The following YEATS2 variants were observed in gnomAD, a reference collection of about 807,000 sequenced individuals.
YEATS2 encodes the protein YEATS domain containing 2.
Under a neutral mutation model 163.2 loss-of-function variants are expected in YEATS2, and 77 were observed. The ratio of observed to expected loss-of-function variants is 0.47; its 90% CI spans 0.39 to 0.57. YEATS2 has a LOEUF of 0.57. Ranked by LOEUF, YEATS2 falls within the 20% of genes least tolerant of loss-of-function variation. YEATS2 has a pLI of 0.00. For missense variants in YEATS2, 1,549 were observed against 1,729.8 expected (o/e 0.90, Z 1.85); for synonymous variants, 631 against 645.1 (o/e 0.98, Z 0.33).
chr3:183,750,845 AC>A (rs1369640838), intron 9 of YEATS2, among the ~76,000 whole-genome samples: 1 of 151,660 alleles, frequency 6.6e-6, no homozygotes, highest in Non-Finnish European at 1.5e-5. Flanking sequence ...CTGGATAGTA[AC>A]CCCTTACCAG....
Position 183,812,611 on chromosome 3 carries a change from T to G in YEATS2, c.*2028T>G, listed in dbSNP as rs1726901736. ...GTAACAAAATTGTCTACAATAAATC[T>G]TTTGGTATTTGTGGTGGGTGTTTCT... On this transcript the variant is annotated 3_prime_UTR_variant, in exon 31 of 31. Coordinates refer to ENST00000305135, the MANE Select transcript of YEATS2 (RefSeq NM_018023.5). 6.6e-6 allele frequency: 1 copy of G among 152,648 alleles called. No individual in the cohort carries two copies. The highest frequency in any genetic ancestry group is 6.5e-5 in the Admixed American group (1 of 15,278). 9.5% of individuals were successfully genotyped at this position (152,648 alleles called of 1,614,324 possible).
intron 13 of YEATS2, among the ~76,000 whole-genome samples, chr3:183,759,734 C>T (rs950450780): frequency 9.9e-5 from 15 of 152,198 alleles, no homozygotes. Context: ...TTAGCGAGCC[C>T]TCAGCTTACG....
At chr3:183,704,719 T>G (rs1436863121) in intron 1 of YEATS2, among the ~76,000 whole-genome samples, 1 of 152,054 alleles carries the variant, frequency 6.6e-6, no homozygotes, top group African/African-American at 2.4e-5. Context: ...AACCTCCACT[T>G]CCTGGGTTCA....
At position 183,760,313 on chromosome 3, in the gene YEATS2, A is replaced by AGTTTTTTTTTTTTTTTTTTTTTTTT. The variant is rs1283432086; in HGVS notation, c.1657-1194_1657-1193insGTTTTTTTTTTTTTTTTTTTTTTTT. Among the ~76,000 whole-genome samples, 6 of 110,314 alleles carry AGTTTTTTTTTTTTTTTTTTTTTTTT rather than the reference A, an allele frequency of 5.4e-5. 1 individual carries two copies. The highest frequency in any genetic ancestry group is 3.6e-5 in the African/African-American group (1 of 27,522). The allele number at this position is 110,314 out of a possible 152,430, so 72.4% of individuals were successfully genotyped here. ...TTGAGAATTAAAGAGAAACTACAGA[A>AGTTTTTTTTTTTTTTTTTTTTTTTT]TTTTTTTTTTTTTTTTTTTTTTTTT... On this transcript the variant is annotated intron_variant, in intron 13 of 30. Transcript: ENST00000305135.
intron 1 of YEATS2, among the ~76,000 whole-genome samples, chr3:183,712,184 G>GTTATT (rs1384248257): frequency 5.8e-5 from 7 of 121,376 alleles, no homozygotes; most frequent in East Asian, 2.2e-4. Flanking sequence ...AGCATTTTAT[G>GTTATT]TTCTTTTATT....
intron 18 of YEATS2, among the ~76,000 whole-genome samples, chr3:183,776,768 A>G (rs989406588): frequency 1.3e-5 from 2 of 152,100 alleles, no homozygotes; most frequent in African/African-American, 2.4e-5. Context: ...AGCCTGGTCC[A>G]TGGTGAAACC....
rs188984112 is a variant in YEATS2, at chr3:183,743,067, A to C, written c.925-4605A>C. Among the ~76,000 whole-genome samples the C allele has an allele frequency of 7.0e-4, 107 of 152,368 alleles. 1 individual carries two copies. Among genetic ancestry groups the C allele is most frequent in the African/African-American group, 1.9e-3 (77 of 41,590 alleles). On this transcript the variant is annotated intron_variant, in intron 8 of 30. Coordinates refer to ENST00000305135, the MANE Select transcript of YEATS2 (RefSeq NM_018023.5). Reference sequence around the variant, plus strand: ...AGCATAGTATAAACATAATTTTTATAAGCACTGGGAAACAGATTCATTGTG... The same window carrying C: ...AGCATAGTATAAACATAATTTTTATCAGCACTGGGAAACAGATTCATTGTG...
At chr3:183,807,271 T>TCAG in intron 28 of YEATS2, 179 bp downstream of exon 28, 1 of 606,756 alleles carries the variant, frequency 1.6e-6, no homozygotes, top group Non-Finnish European at 2.9e-6. Context: ...AGGTGTGCTC[T>TCAG]CAGGGCTCCC....
chr3:183,803,005 A>G (rs1300577923), intron 25 of YEATS2: 8 of 516,002 alleles, frequency 1.6e-5, no homozygotes, highest in South Asian at 9.3e-5. Flanking sequence ...TTAATAGTCT[A>G]TGGCAGTGAT....
chr3:183,716,036 T>C (rs750140665), intron 2 of YEATS2, among the ~76,000 whole-genome samples: 1 of 152,162 alleles, frequency 6.6e-6, no homozygotes, highest in Admixed American at 6.6e-5. Context: ...CTCGGCTCAC[T>C]GCAAGCTCTG....
chr3:183,755,786 T>C (rs1284939277), intron 11 of YEATS2, among the ~76,000 whole-genome samples: 3 of 134,700 alleles, frequency 2.2e-5, no homozygotes, highest in African/African-American at 8.3e-5. Context: ...AGAGTTTTGC[T>C]CTTGTTGCCC....
chr3:183,757,170 C>T (rs58925378), intron 12 of YEATS2, among the ~76,000 whole-genome samples: 3,624 of 152,206 alleles, frequency 0.024, 147 homozygotes, highest in African/African-American at 0.083. Context: ...AGGAAAAAGT[C>T]ATCCTTGGGT....
chr3:183,797,243 T>C (rs1436358527), intron 21 of YEATS2, among the ~76,000 whole-genome samples: 1 of 126,636 alleles, frequency 7.9e-6, no homozygotes, highest in Non-Finnish European at 1.6e-5. Context: ...CACTCCAGCC[T>C]GGGTGACAGA....
intron 19 of YEATS2, among the ~76,000 whole-genome samples, chr3:183,785,124 T>C (rs1452307063): frequency 6.6e-6 from 1 of 151,996 alleles, no homozygotes; most frequent in Non-Finnish European, 1.5e-5. Context: ...CTGTCATTTA[T>C]AATTTGTATC....
chr3:183,738,864 C>T (rs1279155719), intron 8 of YEATS2, among the ~76,000 whole-genome samples: 16 of 139,476 alleles, frequency 1.1e-4, no homozygotes, highest in South Asian at 2.5e-4. Flanking sequence ...AATAAACATA[C>T]GTGTGCATGT....
In YEATS2 at chr3:183,775,963, G is replaced by A. The variant is rs1577167047; in HGVS notation, c.2417G>A (p.Gly806Glu). The A allele has an allele frequency of 6.3e-7, 1 of 1,587,178 alleles. No homozygotes were observed. Among genetic ancestry groups the A allele is most frequent in the Non-Finnish European group, 8.6e-7 (1 of 1,161,086 alleles). The change falls in exon 18 of 31, where the codon GGA becomes GAA. Residue 806 changes from glycine (G) to glutamate (E), a missense_variant. Gly to Glu is a moderately conservative substitution (Grantham distance 98). Coordinates refer to ENST00000305135, the MANE Select transcript of YEATS2 (RefSeq NM_018023.5). ...AGTGGTGGGAGTGGTGCCGGAGGAGGAGGAGGAGGAGGAGGAGGAGGCGGC... is the reference window on the plus strand; with the variant it reads ...AGTGGTGGGAGTGGTGCCGGAGGAGAAGGAGGAGGAGGAGGAGGAGGCGGC... ...AASGGSGAGG[G>E]GGGGGGGGSG...
At chr3:183,803,844 G>A (rs766848730) in intron 26 of YEATS2, 143 bp from the exon 27 acceptor site, 6 of 787,628 alleles carry the variant, frequency 7.6e-6, no homozygotes, top group Non-Finnish European at 1.2e-5. Context: ...TTTTTAATGG[G>A]GAGTAACACA....
rs537070264 is a variant in YEATS2 at position 183,706,668 on chromosome 3, T to A, written c.-19-8476T>A. On this transcript the variant is annotated intron_variant, in intron 1 of 30. Transcript: ENST00000305135. ...CCCGTCTCTACTAAAAATACAAAAT[T>A]AGCCCGGCGCGGTGGCGCATACTTG... Among the ~76,000 whole-genome samples, 3 of 152,230 alleles carry A rather than the reference T, an allele frequency of 2.0e-5. No homozygotes were observed. In the South Asian group the frequency reaches 6.2e-4, roughly 32 times the overall value.
chr3:183,807,932 C>CCAGG, intron 28 of YEATS2, 98 bp from the exon 29 acceptor site: 1 of 973,730 alleles, frequency 1.0e-6, no homozygotes, highest in Non-Finnish European at 1.6e-6. Flanking sequence ...CTCCTTCCAA[C>CCAGG]CAGGCATCGC....
Sources: gnomAD v4.1 joint callset for allele counts (sites outside exome capture counted in the v4.1 genomes callset) on GRCh38, gnomAD v4.1.1 for gene constraint, MANE v1.5 for transcripts, NCBI Gene and HGNC (gene_info 2026-07-23, HGNC 2026-07-21) for gene names.